NCOA1: variants seen among roughly 807,000 people sequenced by gnomAD.
NCOA1 encodes the protein nuclear receptor coactivator 1, also known as Hin-2 protein.
In NCOA1, 35 loss-of-function variants were observed where a neutral mutation model predicts 150.9. That is an observed-to-expected ratio of 0.23 (90% CI 0.18 to 0.31). The LOEUF (loss-of-function observed/expected upper bound fraction) is 0.31, where lower values mean the gene tolerates loss of function less well. NCOA1 is among the 10% of genes least tolerant of loss of function. The probability of loss-of-function intolerance (pLI) is 1.00; values close to 1 mark genes in which losing one functional copy is unlikely to be tolerated. For synonymous variants in NCOA1, 590 were observed against 630.0 expected, an observed-to-expected ratio of 0.94 and a Z score of 0.95; for missense variants, 1,491 against 1,749.3, an observed-to-expected ratio of 0.85 and a Z score of 2.63.
chr2:24,728,364 G>A lies in NCOA1; in HGVS notation c.2774G>A (p.Gly925Glu). The A allele has an allele frequency of 6.2e-7, 1 of 1,613,642 alleles. No homozygotes were observed. Among genetic ancestry groups the A allele is most frequent in the Non-Finnish European group, 8.5e-7 (1 of 1,179,640 alleles). ...CTCTGTCCACCCACAACAGTAGAAG[G>A]GAGAAATGATGAGAAGGCTCTTCTT... ...ELLCPPTTVE[G>E]RNDEKALLEQ... Residue 925 changes from glycine to glutamate, a missense_variant, in exon 16 of 23, where the codon GGG becomes GAG. Coordinates refer to ENST00000348332, the MANE Select transcript of NCOA1 (RefSeq NM_003743.5).
At chr2:24,697,333 G>A (rs1672952586) in intron 10 of NCOA1, among the ~76,000 whole-genome samples, 1 of 152,102 alleles carries the variant, frequency 6.6e-6, no homozygotes, top group African/African-American at 2.4e-5. Flanking sequence ...TCAGTATACA[G>A]AGAGCAGAAT....
intron 17 of NCOA1, among the ~76,000 whole-genome samples, chr2:24,737,818 A>G (rs773466957): frequency 2.0e-5 from 3 of 152,220 alleles, no homozygotes; most frequent in Non-Finnish European, 4.4e-5. Context: ...AACTCCTAGA[A>G]GGACAGGAAT....
intron 19 of NCOA1, among the ~76,000 whole-genome samples, chr2:24,747,833 A>C (rs1342040856): frequency 6.6e-6 from 1 of 152,154 alleles, no homozygotes; most frequent in African/African-American, 2.4e-5. Flanking sequence ...GATGCTGGGC[A>C]CAGTGGTTCA....
intron 1 of NCOA1, among the ~76,000 whole-genome samples, chr2:24,510,184 G>T (rs1663875612): frequency 6.6e-6 from 1 of 151,914 alleles, no homozygotes; most frequent in South Asian, 2.1e-4. Context: ...CCAGTAGCTG[G>T]GATTACAGGC....
chr2:24,532,829 A>C (rs565171608), intron 1 of NCOA1, among the ~76,000 whole-genome samples: 1 of 152,320 alleles, frequency 6.6e-6, no homozygotes, highest in South Asian at 2.1e-4. Context: ...TTTAGGTACC[A>C]TTACCATGCT....
chr2:24,512,438 A>G (rs112982227), intron 1 of NCOA1, among the ~76,000 whole-genome samples: 7 of 152,356 alleles, frequency 4.6e-5, no homozygotes, highest in Admixed American at 6.5e-5. Context: ...CCGGTGCAGT[A>G]GGAGAAATGC....
At chr2:24,513,744 T>C (rs1572367808) in intron 1 of NCOA1, among the ~76,000 whole-genome samples, 1 of 152,232 alleles carries the variant, frequency 6.6e-6, no homozygotes, top group South Asian at 2.1e-4. Flanking sequence ...GTGAGAGTTT[T>C]ACATTCCTCA....
intron 3 of NCOA1, among the ~76,000 whole-genome samples, chr2:24,628,923 G>GA (rs1669550712): frequency 6.6e-6 from 1 of 152,192 alleles, no homozygotes; most frequent in South Asian, 2.1e-4. Context: ...AAACCCTGTG[G>GA]AAGGGGTGTG....
At chr2:24,725,676 G>A (rs1411457243) in intron 14 of NCOA1, among the ~76,000 whole-genome samples, 2 of 151,298 alleles carry the variant, frequency 1.3e-5, no homozygotes, top group Non-Finnish European at 2.9e-5. Flanking sequence ...AAGAAAAGCA[G>A]CCTTTAATCT....
intron 20 of NCOA1, among the ~76,000 whole-genome samples, chr2:24,753,698 C>G (rs1261907582): frequency 6.6e-6 from 1 of 152,154 alleles, no homozygotes; most frequent in Non-Finnish European, 1.5e-5. Flanking sequence ...CCTTGAGGAT[C>G]TTTCTCATCT....
At chr2:24,598,319 T>A (rs560680099) in intron 3 of NCOA1, among the ~76,000 whole-genome samples, 131 of 152,238 alleles carry the variant, frequency 8.6e-4, no homozygotes, top group African/African-American at 3.1e-3. Context: ...GAAATTATTA[T>A]AAGGAATAGT....
intron 1 of NCOA1, among the ~76,000 whole-genome samples, chr2:24,544,838 A>T (rs78176576): frequency 0.025 from 3,746 of 152,280 alleles, 50 homozygotes; most frequent in South Asian, 0.033. Context: ...AAAACATTGC[A>T]CATGTATATT....
intron 1 of NCOA1, among the ~76,000 whole-genome samples, chr2:24,552,128 T>C (rs1665853114): frequency 6.6e-6 from 1 of 151,744 alleles, no homozygotes; most frequent in Non-Finnish European, 1.5e-5. Flanking sequence ...TTGACTATTC[T>C]GGTTTCTTTG....
chr2:24,605,932 G>T (rs181070163), intron 3 of NCOA1, among the ~76,000 whole-genome samples: 202 of 152,196 alleles, frequency 1.3e-3, no homozygotes, highest in Non-Finnish European at 2.2e-3. Context: ...TACTGTGCTG[G>T]CTAGACTTGT....
chr2:24,575,576 C>CT (rs763939259), intron 2 of NCOA1, among the ~76,000 whole-genome samples: 13,408 of 135,586 alleles, frequency 0.099, 773 homozygotes, highest in South Asian at 0.13. Flanking sequence ...TTTTCTTTTT[C>CT]TTTTTTTTTT....
rs189792972 is a variant in NCOA1, at chr2:24,558,324, G to A, written c.-395-5971G>A. Among the ~76,000 whole-genome samples, 35 of 152,208 alleles carry A rather than the reference G, an allele frequency of 2.3e-4. No individual in the cohort carries two copies. The South Asian group carries it at 4.1e-3, about 18-fold the overall frequency. ...GAAAACTGTATTAGTCCATTTTCAC[G>A]CTGCTGATAAAGACATACCCGAGAC... On this transcript the variant is annotated intron_variant, in intron 1 of 22. Coordinates refer to ENST00000348332, the MANE Select transcript of NCOA1 (RefSeq NM_003743.5).
intron 11 of NCOA1, among the ~76,000 whole-genome samples, chr2:24,698,851 A>G (rs1673023864): frequency 6.6e-6 from 1 of 152,300 alleles, no homozygotes; most frequent in Non-Finnish European, 1.5e-5. Context: ...CTTCCTAGTG[A>G]TACATGGAGG....
At chr2:24,491,698 G>C (rs919148841) in intron 1 of NCOA1, among the ~76,000 whole-genome samples, 96 bp downstream of exon 1, 4 of 150,904 alleles carry the variant, frequency 2.7e-5, no homozygotes, top group Middle Eastern at 3.4e-3. Context: ...AGCAGCTGGC[G>C]CCCCTCCGCC....
intron 17 of NCOA1, among the ~76,000 whole-genome samples, chr2:24,730,905 G>A (rs2148644703): frequency 6.6e-6 from 1 of 150,804 alleles, no homozygotes; most frequent in East Asian, 1.9e-4. Context: ...GGGCATGGTG[G>A]CACGTGCCTA....
Sources: allele counts gnomAD v4.1 joint callset (sites outside exome capture counted in the v4.1 genomes callset), GRCh38; gene constraint gnomAD v4.1.1; transcripts MANE v1.5; gene names NCBI Gene and HGNC (gene_info 2026-07-23, HGNC 2026-07-21).